UTP25: variants seen among roughly 807,000 people sequenced by gnomAD.
The protein encoded by UTP25 is UTP25 small subunit processome component.
UTP25 carries 50 observed loss-of-function variants against 78.9 expected under a neutral mutation model. The observed-to-expected ratio is 0.63, with a 90% CI of 0.50 to 0.80. UTP25 has a LOEUF of 0.80. UTP25 is among the 30% of genes least tolerant of loss of function. The pLI is 0.00. For synonymous variants in UTP25, 329 were observed against 336.5 expected, an observed-to-expected ratio of 0.98 and a Z score of 0.24; for missense variants, 846 against 911.3, an observed-to-expected ratio of 0.93 and a Z score of 0.92.
intron 2 of UTP25, 60 bp downstream of exon 2, chr1:209,830,207 T>A (rs2078095045): frequency 3.5e-6 from 5 of 1,409,200 alleles, no homozygotes; most frequent in African/African-American, 1.4e-5. Context: ...TAAGATTATA[T>A]CTAATAATAA....
intron 11 of UTP25, among the ~76,000 whole-genome samples, chr1:209,850,616 G>C (rs1442399774): frequency 6.6e-6 from 1 of 152,194 alleles, no homozygotes; most frequent in Non-Finnish European, 1.5e-5. Context: ...CTGTGCAGCT[G>C]GGAAAGAGAT....
Position 209,842,302 on chromosome 1 carries a change from C to T in UTP25, c.1523C>T (p.Ser508Leu). The T allele has an allele frequency of 6.2e-7, 1 of 1,613,998 alleles. No homozygotes were observed. The highest frequency in any genetic ancestry group is 8.5e-7 in the Non-Finnish European group (1 of 1,179,954). Residue 508 changes from serine (S) to leucine (L), a missense_variant, in exon 9 of 12, where the codon TCA becomes TTA. By Grantham distance (145) the Ser-to-Leu change is moderately radical (BLOSUM62 -2). Transcript: ENST00000491415. ...CACATGAACCTACTACCCCTGGACT[C>T]ACATGGGGTAGACTTTTCTCGAGTG... Reference protein sequence around the residue: ...MNHMNLLPLDSHGVDFSRVRM... With the variant: ...MNHMNLLPLDLHGVDFSRVRM...
intron 10 of UTP25, 175 bp from the exon 11 acceptor site, chr1:209,843,276 G>C (rs2078177575): frequency 1.4e-6 from 1 of 703,464 alleles, no homozygotes; most frequent in African/African-American, 1.8e-5. Flanking sequence ...TATTTTTTTA[G>C]TGTGCTTATC....
intron 10 of UTP25, 22 bp from the exon 11 acceptor site, chr1:209,843,429 G>GC (rs764226353): frequency 6.2e-7 from 1 of 1,612,174 alleles, no homozygotes; most frequent in Non-Finnish European, 8.5e-7. Flanking sequence ...CATTAATTTT[G>GC]CCCTTTGCCA....
intron 2 of UTP25, 22 bp from the exon 3 acceptor site, chr1:209,830,781 A>G (rs762418642): frequency 1.2e-6 from 2 of 1,607,780 alleles, no homozygotes; most frequent in South Asian, 2.2e-5. Context: ...TTTTGTTCTT[A>G]AAATTCTCCT....
In UTP25 at chr1:209,855,090, T is replaced by A. The variant is rs1437998660; in HGVS notation, c.*3643T>A. On this transcript the variant is annotated 3_prime_UTR_variant, in exon 12 of 12. Coordinates refer to ENST00000491415, the MANE Select transcript of UTP25 (RefSeq NM_014388.7). The stretch of plus-strand genomic sequence containing the variant: ...AGTAAATACACAGATAATCCAAAAT[T>A]GATGTAAGCATTGGAAGGGGAAAGA... 1.3e-5 allele frequency: 2 copies of A among 152,144 alleles called. No individual in the cohort carries two copies. The highest frequency in any genetic ancestry group is 4.8e-5 in the African/African-American group (2 of 41,424). 9.4% of individuals were successfully genotyped at this position (152,144 alleles called of 1,614,324 possible).
In UTP25 at chr1:209,848,074, A is replaced by G. The variant is rs571547506; in HGVS notation, c.2028-3130A>G. On this transcript the variant is annotated intron_variant, in intron 11 of 11. Transcript: ENST00000491415. The stretch of plus-strand genomic sequence containing the variant: ...AAACTTTGCCGTACGTTAGAATAGA[A>G]GCTTTTAAAAATCCAAATGCCCAGG... Among the ~76,000 whole-genome samples, 35 of 152,328 alleles carry G rather than the reference A, an allele frequency of 2.3e-4. No homozygotes were observed. In the South Asian group the frequency reaches 7.0e-3, roughly 31 times the overall value.
chr1:209,838,850 A>G, intron 6 of UTP25, 59 bp from the exon 7 acceptor site: 9 of 1,572,828 alleles, frequency 5.7e-6, no homozygotes, highest in Non-Finnish European at 7.9e-6. Context: ...CAGCAGTTTC[A>G]CCTCAAGATC....
At position 209,838,946 on chromosome 1, in the gene UTP25, G is replaced by A. The variant is rs765971081; in HGVS notation, c.1100G>A (p.Arg367Gln). Reference protein sequence around the residue: ...IVVPFREAALRVVQLFISLLE... With the variant: ...IVVPFREAALQVVQLFISLLE... The stretch of plus-strand genomic sequence containing the variant: ...GTGCCATTCCGGGAAGCTGCTTTGC[G>A]GGTGGTGCAGCTCTTCATCAGCCTC... Residue 367 changes from arginine to glutamine, a missense_variant, in exon 7 of 12, where the codon CGG becomes CAG. Coordinates refer to ENST00000491415, the MANE Select transcript of UTP25 (RefSeq NM_014388.7). The A allele has an allele frequency of 5.0e-6, 8 of 1,613,942 alleles. No homozygotes were observed. The African/African-American group carries it at 6.7e-5, about 13-fold the overall frequency.
chr1:209,833,809 T>G (rs2078116918), intron 4 of UTP25, among the ~76,000 whole-genome samples: 1 of 152,208 alleles, frequency 6.6e-6, no homozygotes, highest in South Asian at 2.1e-4. Context: ...CCCTACCCTG[T>G]GTCTCCTGCC....
At chr1:209,842,046 C>G (rs1204214503) in intron 8 of UTP25, among the ~76,000 whole-genome samples, 1 of 152,166 alleles carries the variant, frequency 6.6e-6, no homozygotes, top group African/African-American at 2.4e-5. Flanking sequence ...CCATTTTGAT[C>G]ATTTGTTAAA....
chr1:209,852,330 A>G lies in UTP25; in HGVS notation c.*883A>G, dbSNP rs1427895041. 6.6e-6 allele frequency: 1 copy of G among 152,242 alleles called. No homozygotes were observed. Among genetic ancestry groups the G allele is most frequent in the Non-Finnish European group, 1.5e-5 (1 of 68,046 alleles). The allele number at this position is 152,242 out of a possible 1,614,324, so 9.4% of individuals were successfully genotyped here. On this transcript the variant is annotated 3_prime_UTR_variant, in exon 12 of 12. Coordinates refer to ENST00000491415, the MANE Select transcript of UTP25 (RefSeq NM_014388.7). ...CTATCACCTTTAAATACTTTAGTAT[A>G]TATTTCCTGTAAACAATTAAGGGTA...
In UTP25 at chr1:209,856,448, G is replaced by A. The variant is rs957626787; in HGVS notation, c.*5001G>A. 2.6e-5 allele frequency: 4 copies of A among 152,160 alleles called. No individual in the cohort carries two copies. The highest frequency in any genetic ancestry group is 9.7e-5 in the African/African-American group (4 of 41,430). 9.4% of individuals were successfully genotyped at this position (152,160 alleles called of 1,614,324 possible). ...TTCTGCTCTTCCCTTTTTCCTGCCT[G>A]GAACGCAGAAGTGATGGCTGAAGCT... On this transcript the variant is annotated 3_prime_UTR_variant, in exon 12 of 12. Coordinates refer to ENST00000491415, the MANE Select transcript of UTP25 (RefSeq NM_014388.7).
In UTP25 at chr1:209,837,210, A is replaced by G. The variant is rs1373715605; in HGVS notation, c.1061A>G (p.Lys354Arg). 11 of 1,612,030 alleles carry G rather than the reference A, an allele frequency of 6.8e-6. No homozygotes were observed. The South Asian group carries it at 1.1e-4, about 16-fold the overall frequency. The change falls in exon 6 of 12, where the codon AAG (lysine) becomes AGG (arginine). Residue 354 changes from lysine to arginine, a missense_variant and splice_region_variant. Coordinates refer to ENST00000491415, the MANE Select transcript of UTP25 (RefSeq NM_014388.7). Reference protein sequence around the residue: ...DFRDQGLTRPKVLIVVPFREA... With the variant: ...DFRDQGLTRPRVLIVVPFREA... ...AGAGACCAAGGGTTAACAAGGCCCA[A>G]GGTGAGTCCAGCAGGAAAGCTTTGC...
In UTP25 at chr1:209,843,524, CCCT is replaced by C. The variant is rs2078179317; in HGVS notation, c.1859_1861del (p.Ser620del). ...CATGTCTCACACGCTCATCTATATC[CCCT>C]CCTACTTTGACTTCGTGCGTCTTCG... On this transcript the variant is annotated inframe_deletion, in exon 11 of 12. Coordinates refer to ENST00000491415, the MANE Select transcript of UTP25 (RefSeq NM_014388.7). 2 of 1,614,148 alleles carry C rather than the reference CCCT, an allele frequency of 1.2e-6. No individual in the cohort carries two copies. The highest frequency in any genetic ancestry group is 4.5e-5 in the East Asian group (2 of 44,880).
Position 209,854,883 on chromosome 1 carries a change from C to CTCCGTCTAGCCATCCTCTCCT in UTP25, c.*3440_*3460dup. On this transcript the variant is annotated 3_prime_UTR_variant, in exon 12 of 12. Transcript: ENST00000491415. ...GTGGGGCCACCACAGCTAGCCCTCC[C>CTCCGTCTAGCCATCCTCTCCT]TCCGTCTAGCCATCCTCTCCTTCCA... 1 of 152,328 alleles carries CTCCGTCTAGCCATCCTCTCCT rather than the reference C, an allele frequency of 6.6e-6. No homozygotes were observed. The highest frequency in any genetic ancestry group is 1.5e-5 in the Non-Finnish European group (1 of 68,044). The allele number at this position is 152,328 out of a possible 1,614,324, so 9.4% of individuals were successfully genotyped here.
chr1:209,837,106 C>G lies in UTP25; in HGVS notation c.957C>G (p.Leu319=). The change falls in exon 6 of 12, where the codon CTC becomes CTG. Residue 319 remains leucine, a synonymous_variant. Coordinates refer to ENST00000491415, the MANE Select transcript of UTP25 (RefSeq NM_014388.7). ...VYCLHVINHI[L]KANAQVLGNN... The stretch of plus-strand genomic sequence containing the variant: ...GCCTGCATGTGATAAATCACATCCT[C>G]AAAGCCAATGCCCAGGTGCTTGGCA... 1.2e-6 allele frequency: 2 copies of G among 1,614,152 alleles called. No individual in the cohort carries two copies. Among genetic ancestry groups the G allele is most frequent in the Non-Finnish European group, 8.5e-7 (1 of 1,180,010 alleles).
rs778258468 is a variant in UTP25, at chr1:209,828,163, T to C, written c.100T>C (p.Tyr34His). The C allele has an allele frequency of 4.3e-6, 7 of 1,613,030 alleles. No homozygotes were observed. The highest frequency in any genetic ancestry group is 2.7e-5 in the African/African-American group (2 of 74,912). ...AGATTTCGGCGAGGAGCATCCCTTCTATGACAGGTCTGAAGGGGCGTGGCA... is the reference window on the plus strand; with the variant it reads ...AGATTTCGGCGAGGAGCATCCCTTCCATGACAGGTCTGAAGGGGCGTGGCA... ...LRDFGEEHPFYDRVSRKEAKP... is the reference protein window; with the variant it reads ...LRDFGEEHPFHDRVSRKEAKP... The change falls in exon 1 of 12, where the codon TAT becomes CAT. Residue 34 changes from tyrosine to histidine, a missense_variant. Coordinates refer to ENST00000491415, the MANE Select transcript of UTP25 (RefSeq NM_014388.7).
chr1:209,838,160 GAAGA>G (rs1195843372), intron 6 of UTP25, among the ~76,000 whole-genome samples: 2 of 152,206 alleles, frequency 1.3e-5, no homozygotes, highest in Non-Finnish European at 2.9e-5. Flanking sequence ...GAATTACATA[GAAGA>G]ATAAGAGGCA....
Sources: gnomAD v4.1 joint callset for allele counts (sites outside exome capture counted in the v4.1 genomes callset) on GRCh38, gnomAD v4.1.1 for gene constraint, MANE v1.5 for transcripts, NCBI Gene and HGNC (gene_info 2026-07-23, HGNC 2026-07-21) for gene names.